Variants in MROH7 observed in about 807,000 individuals in gnomAD.
MROH7 encodes the protein maestro heat-like repeat-containing protein family member 7.
A neutral mutation model predicts 129.2 loss-of-function variants in MROH7; 113 were observed. That is an observed-to-expected ratio of 0.87 (90% CI 0.75 to 1.02). The LOEUF (loss-of-function observed/expected upper bound fraction) is 1.02, where lower values mean the gene tolerates loss of function less well. MROH7 is among the 50% of genes least tolerant of loss of function. The probability of loss-of-function intolerance (pLI) is 0.00; values close to 1 mark genes in which losing one functional copy is unlikely to be tolerated. For synonymous variants in MROH7, 655 were observed against 667.9 expected, an observed-to-expected ratio of 0.98 and a Z score of 0.30; for missense variants, 1,601 against 1,671.3, an observed-to-expected ratio of 0.96 and a Z score of 0.73.
At chr1:54,667,337 T>C (rs567321045) in intron 4 of MROH7, among the ~76,000 whole-genome samples, 17 of 152,018 alleles carry the variant, frequency 1.1e-4, no homozygotes, top group Non-Finnish European at 2.1e-4. Context: ...AAGTTCACTC[T>C]GGGATAGGGA....
chr1:54,656,555 G>A (rs1468231974), intron 3 of MROH7, among the ~76,000 whole-genome samples: 1 of 150,612 alleles, frequency 6.6e-6, no homozygotes, highest in Admixed American at 6.6e-5. Flanking sequence ...GGGCGCGGTG[G>A]CTCATGCCTG....
At chr1:54,674,693 C>G (rs749468883) in intron 10 of MROH7, among the ~76,000 whole-genome samples, 7 of 152,190 alleles carry the variant, frequency 4.6e-5, no homozygotes, top group African/African-American at 9.7e-5. Context: ...CTTCAGGGAG[C>G]ACTTCGTGAT....
chr1:54,650,441 G>T (rs985686013), intron 1 of MROH7, among the ~76,000 whole-genome samples: 1 of 152,158 alleles, frequency 6.6e-6, no homozygotes, highest in Non-Finnish European at 1.5e-5. Context: ...AAATGAGTTA[G>T]TGAAAGAATA....
intron 15 of MROH7, among the ~76,000 whole-genome samples, chr1:54,689,906 G>A (rs1293111446): frequency 6.6e-6 from 1 of 152,148 alleles, no homozygotes; most frequent in African/African-American, 2.4e-5. Context: ...TAAGGCAGGA[G>A]GGTCGTGTGA....
rs1645017627 is a variant in MROH7 at position 54,678,608 on chromosome 1, G to A, written c.1937-134G>A. ...TGATCACGTTCTGCTTCTTGACTTGGGGGCTGGCTACAATGGTGTGTTCAC... is the reference window on the plus strand; with the variant it reads ...TGATCACGTTCTGCTTCTTGACTTGAGGGCTGGCTACAATGGTGTGTTCAC... On this transcript the variant is annotated intron_variant, in intron 10 of 23. Coordinates refer to ENST00000421030, the MANE Select transcript of MROH7 (RefSeq NM_001039464.4). 4.8e-6 allele frequency: 3 copies of A among 629,086 alleles called. 1 individual carries two copies. The South Asian group carries it at 5.6e-5, about 12-fold the overall frequency. 39.0% of individuals were successfully genotyped at this position (629,086 alleles called of 1,614,324 possible).
intron 1 of MROH7, among the ~76,000 whole-genome samples, chr1:54,645,655 C>CTTTTTTTTTTTTTT (rs60788847): frequency 8.0e-6 from 1 of 124,250 alleles, no homozygotes; most frequent in Admixed American, 9.3e-5. Context: ...TTCTTTCTTT[C>CTTTTTTTTTTTTTT]TTTTTTTTTT....
intron 14 of MROH7, among the ~76,000 whole-genome samples, chr1:54,683,318 T>C (rs551516520): frequency 5.3e-4 from 80 of 152,330 alleles, no homozygotes; most frequent in African/African-American, 1.9e-3. Context: ...ACACATTCAT[T>C]CATTTAGGTG....
At position 54,679,336 on chromosome 1, in the gene MROH7, G is replaced by C; in HGVS notation, c.2123G>C (p.Ser708Thr). 6.2e-7 allele frequency: 1 copy of C among 1,614,186 alleles called. No homozygotes were observed. Among genetic ancestry groups the C allele is most frequent in the South Asian group, 1.1e-5 (1 of 91,092 alleles). ...GCCGCCCTGGAAGGGCTGAAAGGCA[G>C]CTCAGAGGCTCCAGGGAAGGACTCC... The part of the protein sequence containing the change: ...LLAALEGLKG[S>T]SEAPGKDSRE... Residue 708 changes from serine to threonine, a missense_variant, in exon 12 of 24, where the codon AGC becomes ACC. Ser to Thr is a moderately conservative substitution (Grantham distance 58). Coordinates refer to ENST00000421030, the MANE Select transcript of MROH7 (RefSeq NM_001039464.4).
At chr1:54,701,459 C>T (rs1645435302) in intron 19 of MROH7, 137 bp downstream of exon 19, 9 of 637,102 alleles carry the variant, frequency 1.4e-5, no homozygotes, top group Admixed American at 3.4e-5. Context: ...GGAACTTTGT[C>T]CCAGCTGGTC....
At chr1:54,656,341 CT>C (rs1446830864) in intron 3 of MROH7, among the ~76,000 whole-genome samples, 2 of 139,476 alleles carry the variant, frequency 1.4e-5, no homozygotes, top group African/African-American at 2.7e-5. Context: ...GCAAATCCCC[CT>C]CTCTACTAAA....
Position 54,709,932 on chromosome 1 carries a change from T to TC in MROH7, c.3731-10dup. On this transcript the variant is annotated splice_polypyrimidine_tract_variant and intron_variant, in intron 23 of 23. Transcript: ENST00000421030. ...GGGTCTTAATAGGAGGCTTCTCCCT[T>TC]CCCCATGACGCAGCTCTGGATAACT... is the stretch of plus-strand genomic sequence containing the variant. The TC allele has an allele frequency of 3.1e-6, 5 of 1,605,420 alleles. No homozygotes were observed. Among genetic ancestry groups the TC allele is most frequent in the Non-Finnish European group, 8.5e-7 (1 of 1,172,706 alleles).
chr1:54,645,481 A>T (rs982910643), intron 1 of MROH7, among the ~76,000 whole-genome samples: 5 of 151,776 alleles, frequency 3.3e-5, no homozygotes, highest in Admixed American at 1.3e-4. Context: ...GGGTTTCACC[A>T]TGTTGGCCAG....
In MROH7 at chr1:54,696,879, C is replaced by A. The variant is rs530033933; in HGVS notation, c.2964+1389C>A. Reference sequence around the variant, plus strand: ...TAGAGACTGGGTTTCCCCATGTTGGCCAGGCTGGTCTCGAACTCCTGACCT... The same window carrying A: ...TAGAGACTGGGTTTCCCCATGTTGGACAGGCTGGTCTCGAACTCCTGACCT... On this transcript the variant is annotated intron_variant, in intron 17 of 23. Coordinates refer to ENST00000421030, the MANE Select transcript of MROH7 (RefSeq NM_001039464.4). 6.4e-4 allele frequency among the ~76,000 whole-genome samples: 98 copies of A among 151,998 alleles called. 1 individual carries two copies. The highest frequency in any genetic ancestry group is 2.3e-3 in the African/African-American group (97 of 41,490).
At chr1:54,702,318 C>A in intron 20 of MROH7, 73 bp downstream of exon 20, 2 of 1,284,918 alleles carry the variant, frequency 1.6e-6, no homozygotes, top group South Asian at 2.0e-5. Flanking sequence ...TTACGTTAAC[C>A]AAGCCAGAGT....
Position 54,701,136 on chromosome 1 carries a change from C to T in MROH7, c.3106-7C>T. On this transcript the variant is annotated splice_region_variant and splice_polypyrimidine_tract_variant and intron_variant, in intron 18 of 23. Transcript: ENST00000421030. ...GAGCCCTCATCCCAAATGCTCCTGC[C>T]CCACAGACCGCCAAGGTGAAGGCCC... The T allele has an allele frequency of 6.2e-7, 1 of 1,613,050 alleles. No homozygotes were observed.
intron 22 of MROH7, among the ~76,000 whole-genome samples, chr1:54,707,646 A>T: frequency 6.6e-6 from 1 of 152,096 alleles, no homozygotes; most frequent in Non-Finnish European, 1.5e-5. Context: ...TAAATTAATC[A>T]CTTCTAAAAT....
Position 54,665,175 on chromosome 1 carries a change from G to A in MROH7, c.1240G>A (p.Asp414Asn). The A allele has an allele frequency of 1.2e-6, 2 of 1,613,864 alleles. No homozygotes were observed. Among genetic ancestry groups the A allele is most frequent in the Non-Finnish European group, 8.5e-7 (1 of 1,179,852 alleles). ...GAAATCGTGCCCTGCAGGAGCCTTT[G>A]ATGAAGTGACCTCATGCCTGGTGAA... Reference protein sequence around the residue: ...TLQGIPEGAFDEVTSCLVKVP... With the variant: ...TLQGIPEGAFNEVTSCLVKVP... The change falls in exon 4 of 24, where the codon GAT (aspartate) becomes AAT (asparagine). Residue 414 changes from aspartate (D) to asparagine (N), a missense_variant. Transcript: ENST00000421030.
At chr1:54,696,267 C>G (rs1330568528) in intron 17 of MROH7, among the ~76,000 whole-genome samples, 2 of 152,154 alleles carry the variant, frequency 1.3e-5, no homozygotes, top group African/African-American at 4.8e-5. Flanking sequence ...ATAAAGACAT[C>G]TGGGCTCTAA....
intron 23 of MROH7, 78 bp downstream of exon 23, chr1:54,709,154 G>A: frequency 7.3e-7 from 1 of 1,361,976 alleles, no homozygotes; most frequent in Non-Finnish European, 1.1e-6. Flanking sequence ...AACAGGGAAA[G>A]GGAAGGGATG....
Sources: gnomAD v4.1 joint callset for allele counts (sites outside exome capture counted in the v4.1 genomes callset) on GRCh38, gnomAD v4.1.1 for gene constraint, MANE v1.5 for transcripts, NCBI Gene and HGNC (gene_info 2026-07-23, HGNC 2026-07-21) for gene names.